STXBP4: variants seen among roughly 807,000 people sequenced by gnomAD.
STXBP4 encodes the protein syntaxin binding protein 4, also known as syntaxin-binding protein 4.
STXBP4 carries 55 observed loss-of-function variants against 76.1 expected under a neutral mutation model. That is an observed-to-expected ratio of 0.72 (90% CI 0.58 to 0.91). The LOEUF (loss-of-function observed/expected upper bound fraction) is 0.91. Ranked by LOEUF, STXBP4 falls within the 40% of genes least tolerant of loss-of-function variation. The pLI is 0.00. For synonymous variants in STXBP4, 201 were observed against 220.2 expected (o/e 0.91, Z 0.77); for missense variants, 618 against 636.9 (o/e 0.97, Z 0.32).
At chr17:55,012,129 A>G (rs2078126468) in intron 8 of STXBP4, among the ~76,000 whole-genome samples, 1 of 152,226 alleles carries the variant, frequency 6.6e-6, no homozygotes. Flanking sequence ...TTAAAGATAC[A>G]GGGATTGAAA....
intron 16 of STXBP4, among the ~76,000 whole-genome samples, chr17:55,097,977 A>T (rs1392674671): frequency 6.6e-6 from 1 of 152,170 alleles, no homozygotes; most frequent in African/African-American, 2.4e-5. Flanking sequence ...ATTATGGCTC[A>T]CATCTGGTAG....
chr17:55,051,332 A>AG (rs1227622123), intron 12 of STXBP4, among the ~76,000 whole-genome samples: 1 of 152,190 alleles, frequency 6.6e-6, no homozygotes, highest in Non-Finnish European at 1.5e-5. Flanking sequence ...AGGAAAAAAA[A>AG]CAAAGATAGA....
rs187850241 is a variant in STXBP4 at position 55,010,922 on chromosome 17, G to A, written c.666+3325G>A. On this transcript the variant is annotated intron_variant, in intron 8 of 17. Coordinates refer to ENST00000376352, the MANE Select transcript of STXBP4 (RefSeq NM_178509.6). ...TTATTTTTGCTTCAGATTAAAAGAT[G>A]ACCTTAGTCATTTAATAAATTATTG... Among the ~76,000 whole-genome samples, 425 of 152,266 alleles carry A rather than the reference G, an allele frequency of 2.8e-3. 1 individual carries two copies. Among genetic ancestry groups the A allele is most frequent in the Non-Finnish European group, 4.9e-3 (333 of 67,988 alleles).
intron 16 of STXBP4, among the ~76,000 whole-genome samples, chr17:55,099,126 T>A (rs2079532569): frequency 6.6e-6 from 1 of 152,162 alleles, no homozygotes; most frequent in African/African-American, 2.4e-5. Flanking sequence ...ATAGTGTTAG[T>A]AAATATGTGA....
intron 17 of STXBP4, among the ~76,000 whole-genome samples, chr17:55,159,215 C>T (rs1021746051): frequency 1.3e-5 from 2 of 152,120 alleles, no homozygotes; most frequent in Non-Finnish European, 2.9e-5. Context: ...AGCTGCACTG[C>T]AGCCTAGGTG....
At chr17:55,187,296 G>A in the STXBP4 span, among the ~76,000 whole-genome samples, 1 of 152,108 alleles carries the variant, frequency 6.6e-6, no homozygotes, top group African/African-American at 2.4e-5. Context: ...TTACATTAAA[G>A]GTGATCAAGC....
At chr17:55,137,881 G>C (rs570380586) in intron 16 of STXBP4, among the ~76,000 whole-genome samples, 1 of 152,170 alleles carries the variant, frequency 6.6e-6, no homozygotes, top group South Asian at 2.1e-4. Flanking sequence ...CACCATCAAT[G>C]CTGTGTCTAA....
intron 12 of STXBP4, among the ~76,000 whole-genome samples, chr17:55,064,573 A>C (rs2079026917): frequency 6.6e-6 from 1 of 152,144 alleles, no homozygotes; most frequent in Non-Finnish European, 1.5e-5. Flanking sequence ...CGGCTACTGC[A>C]ACCTCCAGCT....
intron 3 of STXBP4, among the ~76,000 whole-genome samples, chr17:54,987,479 C>CTGAT (rs1219301980): frequency 1.3e-5 from 2 of 152,056 alleles, no homozygotes; most frequent in Non-Finnish European, 2.9e-5. Context: ...CTGGTGATCC[C>CTGAT]TTCATATCAG....
chr17:55,037,243 A>G (rs1001729150), intron 10 of STXBP4, among the ~76,000 whole-genome samples: 1 of 152,114 alleles, frequency 6.6e-6, no homozygotes, highest in Non-Finnish European at 1.5e-5. Context: ...GTCAGGGAGC[A>G]TTGTTTTTTA....
chr17:55,202,095 GACAC>G, the STXBP4 span, among the ~76,000 whole-genome samples: 1 of 149,224 alleles, frequency 6.7e-6, no homozygotes, highest in Non-Finnish European at 1.5e-5. Context: ...GTAGATATGG[GACAC>G]ACACACACAC....
the STXBP4 span, among the ~76,000 whole-genome samples, chr17:55,190,085 T>C: frequency 6.6e-6 from 1 of 152,216 alleles, no homozygotes; most frequent in Admixed American, 6.5e-5. Context: ...GAAATTTTAC[T>C]GTTGGGATAA....
At chr17:55,035,907 ATATT>A (rs1192996819) in intron 10 of STXBP4, among the ~76,000 whole-genome samples, 2 of 151,956 alleles carry the variant, frequency 1.3e-5, no homozygotes, top group Non-Finnish European at 2.9e-5. Context: ...ATAATTTTAT[ATATT>A]TATTGTGTAC....
At chr17:55,188,899 G>C in the STXBP4 span, among the ~76,000 whole-genome samples, 1 of 152,148 alleles carries the variant, frequency 6.6e-6, no homozygotes, top group South Asian at 2.1e-4. Flanking sequence ...GGTTGCTTTT[G>C]TATCAATTCT....
At position 55,169,380 on chromosome 17, in the gene STXBP4, T is replaced by TA. The variant is rs1320940530; in HGVS notation, c.*9469_*9470insA. On this transcript the variant is annotated 3_prime_UTR_variant, in exon 18 of 18. Coordinates refer to ENST00000376352, the MANE Select transcript of STXBP4 (RefSeq NM_178509.6). The stretch of plus-strand genomic sequence containing the variant: ...TATTGAATGGGGGTGGGGGTGGGGG[T>TA]GGGTGTAAATTTCCAGGTGCTTCCA... 3.0e-5 allele frequency: 3 copies of TA among 99,404 alleles called. No homozygotes were observed. In the East Asian group the frequency reaches 1.0e-3, roughly 34 times the overall value. 6.2% of individuals were successfully genotyped at this position (99,404 alleles called of 1,614,324 possible).
chr17:55,044,840 A>G (rs1483447306), intron 11 of STXBP4: 3 of 151,446 alleles, frequency 2.0e-5, no homozygotes, highest in Non-Finnish European at 4.4e-5. Context: ...TTTTTTTACA[A>G]CTTGCCTTCT....
At chr17:55,128,603 T>A (rs1296439960) in intron 16 of STXBP4, among the ~76,000 whole-genome samples, 1 of 152,004 alleles carries the variant, frequency 6.6e-6, no homozygotes, top group Non-Finnish European at 1.5e-5. Context: ...TCCTTTTGTT[T>A]GTTTGTTTGT....
At chr17:55,113,167 G>A (rs1456748561) in intron 16 of STXBP4, among the ~76,000 whole-genome samples, 1 of 149,880 alleles carries the variant, frequency 6.7e-6, no homozygotes, top group Admixed American at 6.7e-5. Flanking sequence ...AATGGTATAG[G>A]ATATTGTATA....
intron 12 of STXBP4, among the ~76,000 whole-genome samples, chr17:55,063,426 G>A (rs1333874614): frequency 6.6e-6 from 1 of 152,134 alleles, no homozygotes; most frequent in Non-Finnish European, 1.5e-5. Context: ...CCTATAGTAG[G>A]TTGGCCTAGT....
Sources: gnomAD v4.1 joint callset for allele counts (sites outside exome capture counted in the v4.1 genomes callset) on GRCh38, gnomAD v4.1.1 for gene constraint, MANE v1.5 for transcripts, NCBI Gene and HGNC (gene_info 2026-07-23, HGNC 2026-07-21) for gene names.